USO1: variants seen among roughly 807,000 people sequenced by gnomAD.
USO1 encodes the protein USO1 vesicle transport factor.
Under a neutral mutation model 124.5 loss-of-function variants are expected in USO1, and 57 were observed. That is an observed-to-expected ratio of 0.46 (90% CI 0.37 to 0.57). The LOEUF is 0.57. USO1 is among the 20% of genes least tolerant of loss of function. The probability of loss-of-function intolerance (pLI) is 0.00; values close to 1 mark genes in which losing one functional copy is unlikely to be tolerated. For missense variants in USO1, 900 were observed against 1,040.6 expected, an observed-to-expected ratio of 0.86 and a Z score of 1.86; for synonymous variants, 369 against 362.8, an observed-to-expected ratio of 1.02 and a Z score of -0.19.
chr4:75,805,628 A>AC (rs1201026685), intron 19 of USO1, among the ~76,000 whole-genome samples: 2 of 151,764 alleles, frequency 1.3e-5, no homozygotes, highest in Non-Finnish European at 2.9e-5. Context: ...AATCTCTTAA[A>AC]CCCAGGAGGT....
chr4:75,748,533 C>G (rs573724246), intron 1 of USO1, among the ~76,000 whole-genome samples: 41 of 152,316 alleles, frequency 2.7e-4, no homozygotes, highest in African/African-American at 7.0e-4. Flanking sequence ...CAACATTGAA[C>G]AGCTTTTATA....
intron 13 of USO1, among the ~76,000 whole-genome samples, chr4:75,798,775 A>G (rs1415781974): frequency 6.6e-6 from 1 of 152,116 alleles, no homozygotes; most frequent in Non-Finnish European, 1.5e-5. Flanking sequence ...GACTTTCCCC[A>G]AAGTGATGCA....
In USO1 at chr4:75,804,170, A is replaced by G. The variant is rs763326779; in HGVS notation, c.2023A>G (p.Thr675Ala). The change falls in exon 18 of 24, where the codon ACA (threonine) becomes GCA (alanine). Residue 675 changes from threonine to alanine, a missense_variant. Thr to Ala is a moderately conservative substitution (Grantham distance 58). Coordinates refer to ENST00000514213, the MANE Select transcript of USO1 (RefSeq NM_003715.4). ...QLEELRQQVS[T>A]LKCQNEQLQT... The stretch of plus-strand genomic sequence containing the variant: ...TGAGGAATTAAGGCAGCAGGTTTCT[A>G]CATTAAAATGTCAAAATGAACAGCT... 1.9e-6 allele frequency: 3 copies of G among 1,613,464 alleles called. No homozygotes were observed. Among genetic ancestry groups the G allele is most frequent in the African/African-American group, 2.7e-5 (2 of 74,920 alleles).
intron 17 of USO1, among the ~76,000 whole-genome samples, chr4:75,802,723 T>C (rs1011620433): frequency 6.7e-6 from 1 of 149,238 alleles, no homozygotes; most frequent in Non-Finnish European, 1.5e-5. Flanking sequence ...CTTTCCATTT[T>C]TCTTTTTCTT....
intron 17 of USO1, among the ~76,000 whole-genome samples, chr4:75,803,385 C>T (rs1338768947): frequency 7.2e-5 from 11 of 151,788 alleles, no homozygotes; most frequent in African/African-American, 2.7e-4. Context: ...CGGTGGCTCA[C>T]GCCTGTAATC....
chr4:75,772,751 AT>A lies in USO1; in HGVS notation c.555+1617del, dbSNP rs202199675. Among the ~76,000 whole-genome samples, 1,189 of 152,198 alleles carry A rather than the reference AT, an allele frequency of 7.8e-3. 17 individuals carry two copies. The highest frequency in any genetic ancestry group is 0.027 in the African/African-American group (1,117 of 41,524). On this transcript the variant is annotated intron_variant, in intron 7 of 23. Transcript: ENST00000514213. ...AAATTATGTCTCCCCACATCTTTTA[AT>A]TTCATTACCACTTATTTTCATTTTC... is the stretch of plus-strand genomic sequence containing the variant.
intron 4 of USO1, among the ~76,000 whole-genome samples, chr4:75,767,235 A>G (rs1181731522): frequency 2.0e-5 from 3 of 152,148 alleles, no homozygotes; most frequent in Admixed American, 6.5e-5. Flanking sequence ...TATAATTTAT[A>G]TGCTTGCCAC....
intron 9 of USO1, among the ~76,000 whole-genome samples, chr4:75,784,347 C>T (rs1358137178): frequency 6.6e-6 from 1 of 152,126 alleles, no homozygotes; most frequent in Non-Finnish European, 1.5e-5. Flanking sequence ...AAGGAAATTC[C>T]TCTAGAAAAG....
chr4:75,810,378 T>C (rs1723110856), intron 21 of USO1, 54 bp from the exon 22 acceptor site: 1 of 1,517,404 alleles, frequency 6.6e-7, no homozygotes. Context: ...CTTTGGGAGT[T>C]CATATTGATT....
At chr4:75,736,888 A>G (rs1383241270) in intron 1 of USO1, among the ~76,000 whole-genome samples, 5 of 152,130 alleles carry the variant, frequency 3.3e-5, no homozygotes, top group Admixed American at 6.5e-5. Flanking sequence ...TTGTACTCAT[A>G]TATGTTTCTT....
chr4:75,755,537 C>G, intron 3 of USO1: 1 of 513,228 alleles, frequency 1.9e-6, no homozygotes, highest in South Asian at 1.4e-5. Context: ...CTCGTAGACT[C>G]GTTTTCAGTT....
chr4:75,734,180 G>A (rs998674196), intron 1 of USO1, among the ~76,000 whole-genome samples: 4 of 152,070 alleles, frequency 2.6e-5, no homozygotes, highest in South Asian at 2.1e-4. Context: ...TCCTGACCTC[G>A]TGATCCTCCC....
intron 1 of USO1, among the ~76,000 whole-genome samples, chr4:75,727,879 A>G (rs1720510369): frequency 6.6e-6 from 1 of 152,146 alleles, no homozygotes. Flanking sequence ...AGCACGTTTC[A>G]GATGCTTTTT....
chr4:75,755,969 G>A (rs1374731785), intron 3 of USO1, among the ~76,000 whole-genome samples: 2 of 152,044 alleles, frequency 1.3e-5, no homozygotes, highest in Non-Finnish European at 2.9e-5. Flanking sequence ...AGGAGATCGA[G>A]ACCATCCTGG....
intron 23 of USO1, 81 bp from the exon 24 acceptor site, chr4:75,813,125 A>T: frequency 7.2e-7 from 1 of 1,388,426 alleles, no homozygotes; most frequent in Non-Finnish European, 9.4e-7. Context: ...AAAAAAAAAA[A>T]TTATCAGTAG....
In USO1 at chr4:75,800,426, A is replaced by C. The variant is rs1051242022; in HGVS notation, c.1639A>C (p.Ile547Leu). 1.3e-6 allele frequency: 2 copies of C among 1,593,308 alleles called. No homozygotes were observed. The highest frequency in any genetic ancestry group is 1.7e-6 in the Non-Finnish European group (2 of 1,169,162). The change falls in exon 15 of 24, where the codon ATT (isoleucine) becomes CTT (leucine). Residue 547 changes from isoleucine to leucine, a missense_variant. Physicochemically the swap from Ile to Leu is conservative, Grantham distance 5. Around this residue, in one of 2 missense-constraint regions of USO1, gnomAD observed 538 missense variants for 681.6 expected, o/e 0.79. Transcript: ENST00000514213. ...VQGLCALLLG[I>L]SIYFNDNSLE... ...AGGCTTATGTGCCCTTTTGTTGGGC[A>C]TTTCGATTTATTTCAATGATAACTC... is the stretch of plus-strand genomic sequence containing the variant.
At chr4:75,739,538 C>CTTTTTTTTTTTTTTTT (rs753369609) in intron 1 of USO1, among the ~76,000 whole-genome samples, 3 of 105,434 alleles carry the variant, frequency 2.8e-5, no homozygotes, top group Non-Finnish European at 3.7e-5. Flanking sequence ...TTATCTTTTT[C>CTTTTTTTTTTTTTTTT]TTTTTTTTTT....
At chr4:75,779,202 C>A (rs1297830207) in intron 8 of USO1, among the ~76,000 whole-genome samples, 1 of 152,160 alleles carries the variant, frequency 6.6e-6, no homozygotes, top group East Asian at 1.9e-4. Context: ...CTGTCTTCCC[C>A]TCTTCCCCTC....
intron 13 of USO1, among the ~76,000 whole-genome samples, chr4:75,794,904 A>G (rs1468047906): frequency 6.6e-6 from 1 of 152,206 alleles, no homozygotes; most frequent in Non-Finnish European, 1.5e-5. Flanking sequence ...TCTCTTAGAG[A>G]TTAAAAAAAC....
Sources: gnomAD v4.1 joint callset for allele counts (sites outside exome capture counted in the v4.1 genomes callset) on GRCh38, gnomAD v4.1.1 for gene constraint, gnomAD v4.1.1 regional missense constraint, MANE v1.5 for transcripts, NCBI Gene and HGNC (gene_info 2026-07-23, HGNC 2026-07-21) for gene names.